ZNF7: variants seen among roughly 807,000 people sequenced by gnomAD.
The protein encoded by ZNF7 is C2-H2 type zinc finger protein.
In ZNF7, 10 loss-of-function variants were observed where a neutral mutation model predicts 12.0. The observed-to-expected ratio is 0.83, with a 90% confidence interval of 0.51 to 1.42. The LOEUF (loss-of-function observed/expected upper bound fraction) is 1.42. Among genes scored for constraint, ZNF7 ranks in the 40% most tolerant of loss-of-function variants. ZNF7 has a pLI of 0.00. For missense variants in ZNF7, 854 were observed against 837.2 expected (o/e 1.02, Z -0.25); for synonymous variants, 334 against 295.0 (o/e 1.13, Z -1.35).
intron 4 of ZNF7, among the ~76,000 whole-genome samples, 188 bp downstream of exon 4, chr8:144,837,695 G>A (rs1017826914): frequency 6.6e-6 from 1 of 152,170 alleles, no homozygotes; most frequent in African/African-American, 2.4e-5. Context: ...CTTGGGAGAG[G>A]CCAAACTGCA....
At chr8:144,841,301 A>G (rs1586833293) in intron 4 of ZNF7, 54 bp from the exon 5 acceptor site, 1 of 1,527,300 alleles carries the variant, frequency 6.5e-7, no homozygotes, top group Non-Finnish European at 8.8e-7. Flanking sequence ...TTGTAGTCTT[A>G]TCATTTCTCT....
In ZNF7 at chr8:144,843,152, A is replaced by T; in HGVS notation, c.2045A>T (p.Lys682Ile). ...NRSSRLTQHQ[K>I]IHMG is the part of the protein sequence containing the mutation. The stretch of plus-strand genomic sequence containing the variant: ...AGCTCAAGGCTTACCCAGCATCAAA[A>T]AATTCACATGGGATAGACCACTTAC... Residue 682 changes from lysine to isoleucine, a missense_variant, in exon 5 of 5, where the codon AAA (lysine) becomes ATA (isoleucine). By Grantham distance (102) the Lys-to-Ile change is moderately radical. Transcript: ENST00000532777. The T allele has an allele frequency of 6.3e-7, 1 of 1,590,890 alleles. No individual in the cohort carries two copies. Among genetic ancestry groups the T allele is most frequent in the African/African-American group, 1.4e-5 (1 of 73,694 alleles).
In ZNF7 at chr8:144,842,891, ATCTT is replaced by A. The variant is rs775793782; in HGVS notation, c.1785_1788del (p.Tyr595Ter). On this transcript the variant is annotated frameshift_variant, in exon 5 of 5. Coordinates refer to ENST00000532777, the MANE Select transcript of ZNF7 (RefSeq NM_003416.4). LOFTEE classifies it low-confidence loss of function (END_TRUNC). ...GGAAAAGCCTTCAGCCGGAGCTCAT[ATCTT>A]ATTGAACACCAGAGAATACACACTA... The A allele has an allele frequency of 6.2e-7, 1 of 1,614,234 alleles. No homozygotes were observed. Among genetic ancestry groups the A allele is most frequent in the Non-Finnish European group, 8.5e-7 (1 of 1,180,036 alleles).
Position 144,841,784 on chromosome 8 carries a change from A to T in ZNF7, c.677A>T (p.Gln226Leu). The change falls in exon 5 of 5, where the codon CAA becomes CTA. Residue 226 changes from glutamine to leucine, a missense_variant. Transcript: ENST00000532777. ...EINTQKISRC[Q>L]ECQKKLSDCL... ...AATACACAGAAAATTAGCAGATGTC[A>T]AGAATGCCAAAAAAAGTTATCTGAC... The T allele has an allele frequency of 6.2e-7, 1 of 1,614,220 alleles. No individual in the cohort carries two copies. Among genetic ancestry groups the T allele is most frequent in the Non-Finnish European group, 8.5e-7 (1 of 1,180,048 alleles).
intron 3 of ZNF7, among the ~76,000 whole-genome samples, chr8:144,830,532 G>A (rs1165587614): frequency 2.0e-5 from 3 of 152,142 alleles, no homozygotes; most frequent in Non-Finnish European, 1.5e-5. Flanking sequence ...TCTTCATTCT[G>A]TCTAAGATGC....
chr8:144,831,241 T>C (rs1057222754), intron 3 of ZNF7, among the ~76,000 whole-genome samples: 4 of 152,228 alleles, frequency 2.6e-5, no homozygotes, highest in African/African-American at 9.6e-5. Context: ...TCTTTTTCCA[T>C]GGCTTCTGTC....
rs185167554 is a variant in ZNF7, at chr8:144,843,629, G to A, written c.*461G>A. 6.6e-6 allele frequency: 1 copy of A among 150,950 alleles called. No individual in the cohort carries two copies. The highest frequency in any genetic ancestry group is 6.6e-5 in the Admixed American group (1 of 15,098). 9.4% of individuals were successfully genotyped at this position (150,950 alleles called of 1,614,324 possible). A position where few individuals can be genotyped will look rare whatever the true frequency, so the allele number is the denominator to read the frequency against. ...AAAAAAATCCAACTTCATACAAAAT[G>A]TATGTTTATTTCCTGAAATGTTTGA... is the stretch of plus-strand genomic sequence containing the variant. On this transcript the variant is annotated 3_prime_UTR_variant, in exon 5 of 5. Transcript: ENST00000532777.
At chr8:144,836,761 C>T (rs763391110) in intron 3 of ZNF7, 2 of 152,670 alleles carry the variant, frequency 1.3e-5, no homozygotes, top group African/African-American at 2.4e-5. Flanking sequence ...CTGCTCATCT[C>T]TGTACTGACC....
chr8:144,842,009 C>A lies in ZNF7; in HGVS notation c.902C>A (p.Thr301Asn), dbSNP rs757873303. 4 of 1,614,236 alleles carry A rather than the reference C, an allele frequency of 2.5e-6. No homozygotes were observed. The highest frequency in any genetic ancestry group is 2.5e-6 in the Non-Finnish European group (3 of 1,180,042). The part of the protein sequence containing the change: ...SKLIQHQRIH[T>N]GEKPYRCEEC... ...CTTATTCAGCATCAAAGAATCCACA[C>A]TGGGGAGAAGCCCTACAGATGTGAG... is the stretch of plus-strand genomic sequence containing the variant. Residue 301 changes from threonine to asparagine, a missense_variant, in exon 5 of 5, where the codon ACT (threonine) becomes AAT (asparagine). By Grantham distance (65) the Thr-to-Asn change is moderately conservative (BLOSUM62 0). Transcript: ENST00000532777.
At position 144,842,105 on chromosome 8, in the gene ZNF7, C is replaced by T. The variant is rs370671853; in HGVS notation, c.998C>T (p.Pro333Leu). Residue 333 changes from proline (P) to leucine (L), a missense_variant, in exon 5 of 5, where the codon CCC becomes CTC. Pro to Leu is a moderately conservative substitution (Grantham distance 98). Transcript: ENST00000532777. ...CAGAGAATCCACACAGGAGAGAGGC[C>T]CTATGGTTGTCGTGAGTGTGGGAAA... ...HHQRIHTGER[P>L]YGCRECGKAF... is the part of the protein sequence containing the mutation. 2.6e-5 allele frequency: 42 copies of T among 1,614,022 alleles called. 1 individual carries two copies. Among genetic ancestry groups the T allele is most frequent in the Non-Finnish European group, 5.9e-6 (7 of 1,180,034 alleles).
At chr8:144,831,240 A>G (rs1193813040) in intron 3 of ZNF7, among the ~76,000 whole-genome samples, 2 of 152,052 alleles carry the variant, frequency 1.3e-5, no homozygotes, top group East Asian at 1.9e-4. Context: ...TTCTTTTTCC[A>G]TGGCTTCTGT....
chr8:144,835,781 T>C (rs956925303), intron 3 of ZNF7: 1 of 152,216 alleles, frequency 6.6e-6, no homozygotes, highest in Non-Finnish European at 1.5e-5. Context: ...TTTTGCTTTT[T>C]TAATTTTTTG....
chr8:144,837,148 G>A (rs1264912686), intron 3 of ZNF7: 6 of 349,156 alleles, frequency 1.7e-5, no homozygotes, highest in Admixed American at 8.1e-5. Flanking sequence ...TGACAGGGTC[G>A]CCTGGAGATT....
chr8:144,845,926 T>A, downstream of ZNF7: 1 of 1,509,670 alleles, frequency 6.6e-7, no homozygotes, highest in Non-Finnish European at 8.9e-7. Flanking sequence ...CTTAGCCAGG[T>A]GGTCACCTTC....
rs1828087538 is a variant in ZNF7 at position 144,828,704 on chromosome 8, G to T, written c.-45-339G>T. ...TGGTTGCAGTGTGCTTATTTGTGTG[G>T]TTATTTAACTCTTTCCTCCGCCAGA... On this transcript the variant is annotated intron_variant, in intron 1 of 4. Transcript: ENST00000532777. 4 of 307,970 alleles carry T rather than the reference G, an allele frequency of 1.3e-5. No individual in the cohort carries two copies. In the South Asian group the frequency reaches 1.6e-4, roughly 12 times the overall value. 19.1% of individuals were successfully genotyped at this position (307,970 alleles called of 1,614,324 possible). A position where few individuals can be genotyped will look rare whatever the true frequency, so the allele number is the denominator to read the frequency against.
chr8:144,838,825 CCAG>C (rs2130648555), intron 4 of ZNF7: 2 of 148,248 alleles, frequency 1.3e-5, no homozygotes, highest in South Asian at 4.3e-4. Context: ...GCCTGTAGTC[CCAG>C]CTACTCGGGA....
In ZNF7 at chr8:144,827,578, C is replaced by T. The variant is rs1827905479; in HGVS notation, c.-77C>T. ...AAGGCCCGTTTCCGGCGGCGTCGCG[C>T]GTTTGCGAGCCTCGGGTGGTCCTCA... is the stretch of plus-strand genomic sequence containing the variant. On this transcript the variant is annotated 5_prime_UTR_variant, in exon 1 of 5. Transcript: ENST00000532777. The T allele has an allele frequency of 2.0e-6, 2 of 985,710 alleles. No individual in the cohort carries two copies. The highest frequency in any genetic ancestry group is 2.4e-6 in the Non-Finnish European group (2 of 830,166). The allele number at this position is 985,710 out of a possible 1,614,324, so 61.1% of individuals were successfully genotyped here.
rs1048298119 is a variant in ZNF7, at chr8:144,843,721, A to C, written c.*553A>C. On this transcript the variant is annotated 3_prime_UTR_variant, in exon 5 of 5. Transcript: ENST00000532777. ...GTGCAGTCTGCAGTTTTGAGTTGAC[A>C]GGTCCCTGTGAATGAGGAAGCAGCA... is the stretch of plus-strand genomic sequence containing the variant. The C allele has an allele frequency of 1.3e-5, 2 of 152,248 alleles. No homozygotes were observed. The highest frequency in any genetic ancestry group is 1.3e-4 in the Admixed American group (2 of 15,276). The allele number at this position is 152,248 out of a possible 1,614,324, so 9.4% of individuals were successfully genotyped here.
intron 2 of ZNF7, 132 bp downstream of exon 2, chr8:144,829,222 C>T: frequency 6.4e-7 from 1 of 1,563,992 alleles, no homozygotes; most frequent in Non-Finnish European, 8.7e-7. Context: ...GCCCCCAACC[C>T]CAAGGTAGTG....
Sources: gnomAD v4.1 joint callset for allele counts (sites outside exome capture counted in the v4.1 genomes callset) on GRCh38, gnomAD v4.1.1 for gene constraint, MANE v1.5 for transcripts, NCBI Gene and HGNC (gene_info 2026-07-23, HGNC 2026-07-21) for gene names.